Variants in STK32B observed in about 807,000 individuals in gnomAD.
STK32B encodes serine/threonine-protein kinase 32B.
Under a neutral mutation model 52.6 loss-of-function variants are expected in STK32B, and 43 were observed. That is an observed-to-expected ratio of 0.82 (90% CI 0.64 to 1.05). STK32B has a LOEUF of 1.05. STK32B is among the 50% of genes least tolerant of loss of function. The pLI, the probability that STK32B is intolerant of heterozygous loss-of-function variation, is 0.00. For missense variants in STK32B, 621 were observed against 534.6 expected (o/e 1.16, Z -1.59); for synonymous variants, 238 against 204.3 (o/e 1.17, Z -1.41).
intron 3 of STK32B, among the ~76,000 whole-genome samples, chr4:5,196,755 A>C (rs1413903454): frequency 1.3e-5 from 2 of 150,978 alleles, no homozygotes; most frequent in African/African-American, 4.9e-5. Flanking sequence ...AAATAAAATA[A>C]AATAAAATAG....
At chr4:5,405,635 C>G (rs1279319347) in intron 5 of STK32B, among the ~76,000 whole-genome samples, 1 of 152,094 alleles carries the variant, frequency 6.6e-6, no homozygotes, top group East Asian at 1.9e-4. Flanking sequence ...ATAATCATGG[C>G]AGAAGGTGAA....
chr4:5,173,227 C>T (rs1363415951), intron 3 of STK32B, among the ~76,000 whole-genome samples: 1 of 152,040 alleles, frequency 6.6e-6, no homozygotes, highest in African/African-American at 2.4e-5. Flanking sequence ...TGCAGTCTAT[C>T]AATTTTGTTG....
At chr4:5,415,240 G>A (rs542470420) in intron 5 of STK32B, among the ~76,000 whole-genome samples, 2 of 152,268 alleles carry the variant, frequency 1.3e-5, no homozygotes, top group African/African-American at 2.4e-5. Flanking sequence ...CACTCTAACC[G>A]TTTCATGTGT....
chr4:5,109,734 C>G (rs921503629), intron 1 of STK32B, among the ~76,000 whole-genome samples: 2 of 152,170 alleles, frequency 1.3e-5, no homozygotes, highest in Non-Finnish European at 2.9e-5. Context: ...ACAAGTTCCA[C>G]TATTCAACAT....
At chr4:5,091,097 A>G (rs1002334375) in intron 1 of STK32B, among the ~76,000 whole-genome samples, 1 of 152,224 alleles carries the variant, frequency 6.6e-6, no homozygotes, top group Admixed American at 6.5e-5. Flanking sequence ...TAAAAGGAGG[A>G]AACACTTCCT....
At chr4:5,187,060 G>A (rs1343334859) in intron 3 of STK32B, among the ~76,000 whole-genome samples, 1 of 152,178 alleles carries the variant, frequency 6.6e-6, no homozygotes, top group African/African-American at 2.4e-5. Flanking sequence ...AAACACAGCT[G>A]GGCTTGGGGG....
intron 3 of STK32B, among the ~76,000 whole-genome samples, chr4:5,323,522 T>C (rs1351955253): frequency 1.3e-5 from 2 of 152,128 alleles, no homozygotes; most frequent in Admixed American, 1.3e-4. Flanking sequence ...CCCTGGTCTC[T>C]GTGACAAGAA....
intron 3 of STK32B, among the ~76,000 whole-genome samples, chr4:5,174,763 T>G (rs1719692199): frequency 6.9e-6 from 1 of 144,416 alleles, no homozygotes; most frequent in Non-Finnish European, 1.6e-5. Flanking sequence ...CTTTGGTGAA[T>G]CTGACAATTA....
intron 3 of STK32B, among the ~76,000 whole-genome samples, chr4:5,216,537 G>C (rs1723193827): frequency 6.6e-6 from 1 of 152,178 alleles, no homozygotes; most frequent in South Asian, 2.1e-4. Context: ...CTGAAAAATA[G>C]ATAGGAGGAG....
At chr4:5,305,953 A>T (rs938849572) in intron 3 of STK32B, among the ~76,000 whole-genome samples, 1 of 152,064 alleles carries the variant, frequency 6.6e-6, no homozygotes, top group African/African-American at 2.4e-5. Context: ...TCTTGATTTC[A>T]TTGTTGATCC....
intron 11 of STK32B, among the ~76,000 whole-genome samples, chr4:5,496,909 A>T (rs1046714411): frequency 6.6e-6 from 1 of 152,154 alleles, no homozygotes; most frequent in Non-Finnish European, 1.5e-5. Flanking sequence ...AAGGAGTTTT[A>T]GAGAAGTTTT....
chr4:5,295,054 A>G (rs990273087), intron 3 of STK32B, among the ~76,000 whole-genome samples: 3 of 152,000 alleles, frequency 2.0e-5, no homozygotes, highest in African/African-American at 4.8e-5. Context: ...GTCATTGGCT[A>G]TGTTTATGTG....
chr4:5,422,065 G>C (rs904311353), intron 6 of STK32B, among the ~76,000 whole-genome samples: 3 of 152,006 alleles, frequency 2.0e-5, no homozygotes, highest in Non-Finnish European at 4.4e-5. Flanking sequence ...TGAGAGTCGG[G>C]GTTACTGATG....
At position 5,456,897 on chromosome 4, in the gene STK32B, A is replaced by G; in HGVS notation, c.757A>G (p.Lys253Glu). The change falls in exon 8 of 12, where the codon AAG (lysine) becomes GAG (glutamate). Residue 253 changes from lysine (K) to glutamate (E), a missense_variant. Lys to Glu is a moderately conservative substitution (Grantham distance 56). Transcript: ENST00000282908. ...TGTCCACTACTCCTCCACGTGGTGC[A>G]AGGGGATGGTGGCCCTGCTGAGGAA... is the stretch of plus-strand genomic sequence containing the variant. ...ERVHYSSTWC[K>E]GMVALLRKLL... is the part of the protein sequence containing the mutation. The G allele has an allele frequency of 6.3e-7, 1 of 1,582,026 alleles. No homozygotes were observed. Among genetic ancestry groups the G allele is most frequent in the Non-Finnish European group, 8.6e-7 (1 of 1,162,620 alleles).
intron 4 of STK32B, among the ~76,000 whole-genome samples, chr4:5,372,647 C>A (rs1236176333): frequency 6.6e-6 from 1 of 151,576 alleles, no homozygotes; most frequent in Non-Finnish European, 1.5e-5. Context: ...AATAAAATTT[C>A]AGCTCTACCT....
In STK32B at chr4:5,343,182, G is replaced by A. The variant is rs539756045; in HGVS notation, c.434+11789G>A. 5.6e-5 allele frequency among the ~76,000 whole-genome samples: 8 copies of A among 143,726 alleles called. No homozygotes were observed. The South Asian group carries it at 1.7e-3, about 31-fold the overall frequency. The allele number at this position is 143,726 out of a possible 152,430, so 94.3% of individuals were successfully genotyped here. A position where few individuals can be genotyped will look rare whatever the true frequency, so the allele number is the denominator to read the frequency against. On this transcript the variant is annotated intron_variant, in intron 4 of 11. Coordinates refer to ENST00000282908, the MANE Select transcript of STK32B (RefSeq NM_018401.3). ...TTCTCATTGTTCAATTCCCACCTAT[G>A]AGTGAGAACATGTGGTGTTTGGTTT...
In STK32B at chr4:5,316,802, T is replaced by TTATATATTATATC; in HGVS notation, c.261-14418_261-14417insTATATATTATATC. ...TATATTATACATATATATTATATAT[T>TTATATATTATATC]ATATATATTATATATTATATCATAT... On this transcript the variant is annotated intron_variant, in intron 3 of 11. Transcript: ENST00000282908. Among the ~76,000 whole-genome samples, 3 of 1,534 alleles carry TTATATATTATATC rather than the reference T, an allele frequency of 2.0e-3. 1 individual carries two copies. Among genetic ancestry groups the TTATATATTATATC allele is most frequent in the African/African-American group, 0.016 (3 of 192 alleles). 1.0% of individuals were successfully genotyped at this position (1,534 alleles called of 152,430 possible).
intron 4 of STK32B, among the ~76,000 whole-genome samples, chr4:5,343,192 A>C (rs189527851): frequency 1.3e-5 from 2 of 148,820 alleles, no homozygotes; most frequent in Non-Finnish European, 3.0e-5. Context: ...GAGTGAGAAC[A>C]TGTGGTGTTT....
chr4:5,164,233 G>T (rs1718685502), intron 2 of STK32B, among the ~76,000 whole-genome samples: 1 of 152,144 alleles, frequency 6.6e-6, no homozygotes, highest in South Asian at 2.1e-4. Flanking sequence ...GGCTCTGAAG[G>T]TGGGTCTGTC....
Sources: gnomAD v4.1 joint callset for allele counts (sites outside exome capture counted in the v4.1 genomes callset) on GRCh38, gnomAD v4.1.1 for gene constraint, MANE v1.5 for transcripts, NCBI Gene and HGNC (gene_info 2026-07-23, HGNC 2026-07-21) for gene names.